SDAD1: variants seen among roughly 807,000 people sequenced by gnomAD.
SDAD1 encodes SDA1 domain containing 1.
In SDAD1, 79 loss-of-function variants were observed where a neutral mutation model predicts 100.3. The observed-to-expected ratio is 0.79, with a 90% CI of 0.66 to 0.95. SDAD1 has a LOEUF of 0.95. Among genes scored for constraint, SDAD1 ranks in the 40% least tolerant of loss-of-function variants. The pLI is 0.00. For missense variants in SDAD1, 790 were observed against 810.9 expected (o/e 0.97, Z 0.31); for synonymous variants, 267 against 271.4 (o/e 0.98, Z 0.16).
intron 13 of SDAD1, among the ~76,000 whole-genome samples, chr4:75,964,467 CTAGT>C (rs1201712673): frequency 6.6e-6 from 1 of 152,214 alleles, no homozygotes; most frequent in African/African-American, 2.4e-5. Context: ...TTGACCTCCC[CTAGT>C]TATACAAAAT....
At chr4:75,970,732 TA>T (rs1304820831) in intron 9 of SDAD1, among the ~76,000 whole-genome samples, 3 of 152,208 alleles carry the variant, frequency 2.0e-5, no homozygotes, top group Non-Finnish European at 4.4e-5. Context: ...TATTGGCTCA[TA>T]GGGGCAGTTT....
At chr4:75,967,483 T>C in intron 11 of SDAD1, 149 bp from the exon 12 acceptor site, 1 of 662,398 alleles carries the variant, frequency 1.5e-6, no homozygotes, top group Non-Finnish European at 2.7e-6. Flanking sequence ...GATGATTCAA[T>C]ATGCTATATT....
At chr4:75,989,320 G>A (rs930852428) in intron 1 of SDAD1, among the ~76,000 whole-genome samples, 9 of 152,034 alleles carry the variant, frequency 5.9e-5, no homozygotes, top group South Asian at 2.1e-4. Flanking sequence ...CCCTGTTTAC[G>A]GGGTCTAAAT....
chr4:75,963,239 C>T (rs940552886), intron 14 of SDAD1, among the ~76,000 whole-genome samples: 2 of 137,630 alleles, frequency 1.5e-5, no homozygotes, highest in Non-Finnish European at 3.1e-5. Context: ...CTGTTCTGTT[C>T]CATTGGTCTC....
intron 3 of SDAD1, 140 bp downstream of exon 3, chr4:75,981,231 GA>G (rs1305889051): frequency 1.3e-6 from 1 of 764,502 alleles, no homozygotes; most frequent in African/African-American, 1.8e-5. Context: ...AGAAGCCATA[GA>G]AGGATTTTTA....
At chr4:75,988,726 A>G (rs1731053501) in intron 1 of SDAD1, among the ~76,000 whole-genome samples, 1 of 152,172 alleles carries the variant, frequency 6.6e-6, no homozygotes, top group African/African-American at 2.4e-5. Flanking sequence ...GTATTTGTCA[A>G]ATGAACGAAC....
intron 20 of SDAD1, among the ~76,000 whole-genome samples, chr4:75,956,946 C>T (rs1172021998): frequency 2.0e-5 from 3 of 152,156 alleles, no homozygotes; most frequent in Non-Finnish European, 4.4e-5. Flanking sequence ...CTTGACTCTA[C>T]TAAAAATACA....
At chr4:75,973,686 A>G (rs1417001405) in intron 7 of SDAD1, among the ~76,000 whole-genome samples, 2 of 152,198 alleles carry the variant, frequency 1.3e-5, no homozygotes, top group East Asian at 1.9e-4. Context: ...CTAACAGACA[A>G]AAGTCAAACA....
intron 18 of SDAD1, 52 bp downstream of exon 18, chr4:75,957,795 T>A: frequency 6.2e-7 from 1 of 1,611,756 alleles, no homozygotes; most frequent in South Asian, 1.1e-5. Context: ...AGGCCCAGAA[T>A]AAATTACGTC....
Position 75,953,411 on chromosome 4 carries a change from A to G in SDAD1, c.2016+2564T>C, listed in dbSNP as rs187348668. ...GTAATTAATACTTCCTCAACCCTGAAATGTTAGTTAAGGGCCAGTGAAGGA... is the reference window on the plus strand; with the variant it reads ...GTAATTAATACTTCCTCAACCCTGAGATGTTAGTTAAGGGCCAGTGAAGGA... On this transcript the variant is annotated intron_variant, in intron 21 of 21. Coordinates refer to ENST00000356260, the MANE Select transcript of SDAD1 (RefSeq NM_018115.4). Among the ~76,000 whole-genome samples, 30 of 152,340 alleles carry G rather than the reference A, an allele frequency of 2.0e-4. No homozygotes were observed. In the East Asian group the frequency reaches 5.8e-3, roughly 29 times the overall value.
At chr4:75,955,896 G>A in intron 21 of SDAD1, 79 bp downstream of exon 21, 2 of 1,471,458 alleles carry the variant, frequency 1.4e-6, no homozygotes, top group East Asian at 2.3e-5. Context: ...TCTTCAGAAG[G>A]CGCAAGTCCG....
At chr4:75,979,337 CTGA>C (rs1730353935) in intron 3 of SDAD1, among the ~76,000 whole-genome samples, 2 of 152,064 alleles carry the variant, frequency 1.3e-5, no homozygotes, top group African/African-American at 4.8e-5. Context: ...AGCCCAGTGG[CTGA>C]TAAGAATTGT....
intron 16 of SDAD1, among the ~76,000 whole-genome samples, chr4:75,960,666 T>C (rs1282688997): frequency 6.6e-6 from 1 of 152,220 alleles, no homozygotes; most frequent in Non-Finnish European, 1.5e-5. Flanking sequence ...GTTACATACA[T>C]GCATCCCTCC....
chr4:75,961,804 G>A (rs749117276), intron 14 of SDAD1, among the ~76,000 whole-genome samples: 8 of 152,110 alleles, frequency 5.3e-5, no homozygotes, highest in Non-Finnish European at 7.4e-5. Flanking sequence ...TAAATCACTC[G>A]TTCCAGGGTT....
rs767429066 is a variant in SDAD1 at position 75,957,566 on chromosome 4, T to C, written c.1721A>G (p.Lys574Arg). The C allele has an allele frequency of 1.2e-6, 2 of 1,614,214 alleles. No homozygotes were observed. The highest frequency in any genetic ancestry group is 1.7e-6 in the Non-Finnish European group (2 of 1,180,042). Residue 574 changes from lysine (K) to arginine (R), a missense_variant, in exon 19 of 22, where the codon AAA becomes AGA. By Grantham distance (26) the Lys-to-Arg change is conservative (BLOSUM62 2). Coordinates refer to ENST00000356260, the MANE Select transcript of SDAD1 (RefSeq NM_018115.4). Reference protein sequence around the residue: ...MRKELDAAPGKSQKRKYIEID... With the variant: ...MRKELDAAPGRSQKRKYIEID... Reference sequence around the variant, plus strand: ...TTCAATGTATTTCCTCTTCTGGGATTTCCCGGGGGCAGCATCAAGTTCTTT... The same window carrying C: ...TTCAATGTATTTCCTCTTCTGGGATCTCCCGGGGGCAGCATCAAGTTCTTT...
At chr4:75,968,874 A>G (rs776766839) in intron 11 of SDAD1, among the ~76,000 whole-genome samples, 7 of 152,006 alleles carry the variant, frequency 4.6e-5, no homozygotes, top group African/African-American at 7.3e-5. Context: ...TACTAAAAAT[A>G]CAAAAAAACT....
chr4:75,955,186 T>C (rs1241819323), intron 21 of SDAD1, among the ~76,000 whole-genome samples: 2 of 152,204 alleles, frequency 1.3e-5, no homozygotes, highest in African/African-American at 4.8e-5. Flanking sequence ...TGCATACCAA[T>C]GTTATGTTAA....
chr4:75,978,192 A>G (rs997879941), intron 3 of SDAD1, among the ~76,000 whole-genome samples: 11 of 151,082 alleles, frequency 7.3e-5, no homozygotes, highest in African/African-American at 2.7e-4. Context: ...TACCATCAGC[A>G]CTAAGAATGG....
In SDAD1 at chr4:75,950,590, C is replaced by G; in HGVS notation, c.*160G>C. ...CATTAACATTCCTACCATTAGCCGT[C>G]TCCAAAATAAAAACACAAAATTGCT... is the stretch of plus-strand genomic sequence containing the variant. On this transcript the variant is annotated 3_prime_UTR_variant, in exon 22 of 22. Coordinates refer to ENST00000356260, the MANE Select transcript of SDAD1 (RefSeq NM_018115.4). 1 of 499,246 alleles carries G rather than the reference C, an allele frequency of 2.0e-6. No individual in the cohort carries two copies. The highest frequency in any genetic ancestry group is 3.7e-6 in the Non-Finnish European group (1 of 269,254). 30.9% of individuals were successfully genotyped at this position (499,246 alleles called of 1,614,324 possible).
Sources: gnomAD v4.1 joint callset for allele counts (sites outside exome capture counted in the v4.1 genomes callset) on GRCh38, gnomAD v4.1.1 for gene constraint, MANE v1.5 for transcripts, NCBI Gene and HGNC (gene_info 2026-07-23, HGNC 2026-07-21) for gene names.